Variants in EP300 observed in about 807,000 individuals in gnomAD.
EP300 encodes the protein EP300 lysine acetyltransferase.
EP300 carries 31 observed loss-of-function variants against 264.0 expected under a neutral mutation model. The ratio of observed to expected loss-of-function variants is 0.12; its 90% CI spans 0.09 to 0.16. The LOEUF (loss-of-function observed/expected upper bound fraction) is 0.16. Ranked by LOEUF, EP300 falls within the 10% of genes least tolerant of loss-of-function variation. The pLI is 1.00. For missense variants in EP300, 2,766 were observed against 3,052.9 expected (o/e 0.91, Z 2.21); for synonymous variants, 1,340 against 1,045.4 (o/e 1.28, Z -5.44).
chr22:41,093,177 T>G (rs1345932271), intron 1 of EP300, 79 bp downstream of exon 1: 31 of 1,420,590 alleles, frequency 2.2e-5, no homozygotes, highest in Non-Finnish European at 2.9e-5. Flanking sequence ...CCATTTTTTT[T>G]TTCTTCCTCT....
In EP300 at chr22:41,176,226, AAG is replaced by A. The variant is rs779196317; in HGVS notation, c.4780-17_4780-16del. On this transcript the variant is annotated intron_variant, in intron 29 of 30. Transcript: ENST00000263253. ...CAGAGCGAGGCCCTGTCTCAAAAAAAAGAGACTGTCTGTTTTTCAGGTCTTCT... is the reference window on the plus strand; with the variant it reads ...CAGAGCGAGGCCCTGTCTCAAAAAAAAGACTGTCTGTTTTTCAGGTCTTCT... The A allele has an allele frequency of 4.3e-6, 7 of 1,614,084 alleles. No individual in the cohort carries two copies. The highest frequency in any genetic ancestry group is 2.7e-5 in the African/African-American group (2 of 75,048).
intron 2 of EP300, among the ~76,000 whole-genome samples, chr22:41,125,404 C>T (rs2058875879): frequency 6.6e-6 from 1 of 151,544 alleles, no homozygotes; most frequent in South Asian, 2.1e-4. Context: ...AGGTGTGAGC[C>T]ACTGCGCCCG....
chr22:41,113,571 G>T (rs2058805550), intron 1 of EP300, among the ~76,000 whole-genome samples: 2 of 152,084 alleles, frequency 1.3e-5, no homozygotes. Context: ...TTTTGAGACG[G>T]AGTCTCGCTC....
intron 2 of EP300, among the ~76,000 whole-genome samples, chr22:41,121,930 C>A (rs1457154424): frequency 1.3e-5 from 2 of 151,980 alleles, no homozygotes; most frequent in Non-Finnish European, 2.9e-5. Flanking sequence ...TAATAAGAAA[C>A]AGGTTAAACA....
chr22:41,141,665 C>CTTT (rs77123676), intron 10 of EP300, among the ~76,000 whole-genome samples: 11 of 146,122 alleles, frequency 7.5e-5, no homozygotes, highest in Non-Finnish European at 9.0e-5. Flanking sequence ...TCTAGGAACT[C>CTTT]TTTTTTTTTT....
rs756736798 is a variant in EP300, at chr22:41,173,658, GAAT to G, written c.4659_4661del (p.Asn1553del). On this transcript the variant is annotated inframe_deletion, in exon 29 of 31. Transcript: ENST00000263253. The stretch of plus-strand genomic sequence containing the variant: ...GAGACAGCAAAAATGCTAAAAAGAA[GAAT>G]AATAAGAAAACCAGCAAAAATAAGA... 3.1e-6 allele frequency: 5 copies of G among 1,614,012 alleles called. No homozygotes were observed. The South Asian group carries it at 3.3e-5, about 11-fold the overall frequency.
chr22:41,119,181 T>TATTATTA (rs377580765), intron 2 of EP300, among the ~76,000 whole-genome samples: 163 of 117,332 alleles, frequency 1.4e-3, no homozygotes, highest in East Asian at 3.1e-3. Flanking sequence ...TATTATTTTT[T>TATTATTA]TTTTTTTTTT....
intron 10 of EP300, 65 bp from the exon 11 acceptor site, chr22:41,146,674 C>CA (rs1167456692): frequency 5.2e-6 from 7 of 1,350,260 alleles, no homozygotes; most frequent in Non-Finnish European, 6.4e-6. Context: ...TTTGTGTGTG[C>CA]AGTGAGTTTT....
At chr22:41,125,832 T>C (rs752372053) in intron 2 of EP300, 32 bp from the exon 3 acceptor site, 135 of 1,603,644 alleles carry the variant, frequency 8.4e-5, no homozygotes, top group Non-Finnish European at 1.0e-4. Context: ...ATTTTATTGC[T>C]TATTTTGTTT....
intron 1 of EP300, among the ~76,000 whole-genome samples, chr22:41,108,471 A>AC (rs1411066040): frequency 2.0e-5 from 3 of 151,048 alleles, no homozygotes; most frequent in African/African-American, 7.3e-5. Flanking sequence ...CTGGCCTTGA[A>AC]CTCCTGCGTT....
chr22:41,105,427 C>G (rs1254756563), intron 1 of EP300, among the ~76,000 whole-genome samples: 1 of 151,376 alleles, frequency 6.6e-6, no homozygotes, highest in Non-Finnish European at 1.5e-5. Context: ...GAGATGGAGT[C>G]TCACTCTGTC....
rs1042629259 is a variant in EP300 at position 41,100,925 on chromosome 22, C to T, written c.94+7827C>T. On this transcript the variant is annotated intron_variant, in intron 1 of 30. Coordinates refer to ENST00000263253, the MANE Select transcript of EP300 (RefSeq NM_001429.4). ...TTATCATGTCACGTATACAAGACAT[C>T]TTATATATCCTATCATGTAAGATGT... Among the ~76,000 whole-genome samples, 4 of 151,934 alleles carry T rather than the reference C, an allele frequency of 2.6e-5. No homozygotes were observed. The East Asian group carries it at 5.8e-4, about 22-fold the overall frequency.
intron 7 of EP300, among the ~76,000 whole-genome samples, chr22:41,136,270 T>A (rs892884437): frequency 6.6e-6 from 1 of 152,228 alleles, no homozygotes; most frequent in Non-Finnish European, 1.5e-5. Context: ...GCGATCCGTC[T>A]GCCTCAGTCT....
At chr22:41,100,893 A>G (rs548250007) in intron 1 of EP300, among the ~76,000 whole-genome samples, 22 of 152,128 alleles carry the variant, frequency 1.4e-4, no homozygotes, top group African/African-American at 5.3e-4. Flanking sequence ...TATATATATC[A>G]TATATATTAT....
chr22:41,094,533 C>A (rs1238542544), intron 1 of EP300, among the ~76,000 whole-genome samples: 1 of 152,158 alleles, frequency 6.6e-6, no homozygotes, highest in African/African-American at 2.4e-5. Flanking sequence ...TGATCTGTAC[C>A]TATTCTATGA....
chr22:41,167,602 A>G (rs1428155357), intron 23 of EP300, among the ~76,000 whole-genome samples: 189 of 23,790 alleles, frequency 7.9e-3, no homozygotes, highest in South Asian at 0.011. Flanking sequence ...ATATATATAT[A>G]TATATATATA....
intron 1 of EP300, among the ~76,000 whole-genome samples, chr22:41,102,029 CTTTTT>C (rs5845488): frequency 1.2e-4 from 14 of 119,238 alleles, no homozygotes; most frequent in African/African-American, 3.7e-4. Context: ...TTTTTCTTTT[CTTTTT>C]TTTTTTTTTT....
At chr22:41,134,076 G>C (rs1932367154) in intron 6 of EP300, among the ~76,000 whole-genome samples, 1 of 151,694 alleles carries the variant, frequency 6.6e-6, no homozygotes, top group African/African-American at 2.4e-5. Flanking sequence ...CATTGTACCA[G>C]ACCATTTCTA....
At chr22:41,128,234 C>G (rs1158912818) in intron 4 of EP300, among the ~76,000 whole-genome samples, 1 of 152,034 alleles carries the variant, frequency 6.6e-6, no homozygotes, top group East Asian at 1.9e-4. Context: ...GTGGGCAGAT[C>G]ACTTGAGGTC....
Sources: gnomAD v4.1 joint callset for allele counts (sites outside exome capture counted in the v4.1 genomes callset) on GRCh38, gnomAD v4.1.1 for gene constraint, MANE v1.5 for transcripts, NCBI Gene and HGNC (gene_info 2026-07-23, HGNC 2026-07-21) for gene names.